SCIN: variants seen among roughly 807,000 people sequenced by gnomAD.
SCIN encodes the protein adseverin.
SCIN carries 91 observed loss-of-function variants against 91.8 expected under a neutral mutation model. The ratio of observed to expected loss-of-function variants is 0.99; its 90% CI spans 0.84 to 1.18. The LOEUF (loss-of-function observed/expected upper bound fraction) is 1.18. Ranked by LOEUF, SCIN falls within the 50% of genes most tolerant of loss-of-function variation. SCIN has a pLI of 0.00. For missense variants in SCIN, 1,087 were observed against 863.9 expected (o/e 1.26, Z -3.24); for synonymous variants, 367 against 312.6 (o/e 1.17, Z -1.84).
chr7:12,578,064 GA>G lies in SCIN; in HGVS notation c.203del (p.Lys68ArgfsTer48), dbSNP rs1330002902. ...GAGGTGCTGTTGTTCACTGTTTTAG[GA>G]AAGGAGTGTTCCCAGGATGAAAGCA... is the stretch of plus-strand genomic sequence containing the variant. ...GFTYHLHFWL[G>X]KECSQDESTA... is the part of the protein sequence containing the mutation. On this transcript the variant is annotated frameshift_variant and splice_region_variant, in exon 2 of 16. Coordinates refer to ENST00000297029, the MANE Select transcript of SCIN (RefSeq NM_001112706.3). LOFTEE classifies it high-confidence loss of function. 3.9e-6 allele frequency: 6 copies of G among 1,538,806 alleles called. No homozygotes were observed. Among genetic ancestry groups the G allele is most frequent in the Non-Finnish European group, 5.3e-6 (6 of 1,141,760 alleles).
At chr7:12,633,701 C>G (rs1783690334) in intron 9 of SCIN, among the ~76,000 whole-genome samples, 1 of 152,118 alleles carries the variant, frequency 6.6e-6, no homozygotes, top group Non-Finnish European at 1.5e-5. Context: ...AAATGGAAAG[C>G]AGACATTTTT....
chr7:12,644,293 G>T lies in SCIN; in HGVS notation c.1737G>T (p.Arg579Ser), dbSNP rs747829246. ...VASVLKCKTL[R>S]IQEGEEPEEF... ...GTGTCCTAAAGTGCAAAACCTTAAGGATCCAAGAAGGCGAGGAGCCAGGTG... is the reference window on the plus strand; with the variant it reads ...GTGTCCTAAAGTGCAAAACCTTAAGTATCCAAGAAGGCGAGGAGCCAGGTG... The change falls in exon 12 of 16, where the codon AGG becomes AGT. Residue 579 changes from arginine (R) to serine (S), a missense_variant. Coordinates refer to ENST00000297029, the MANE Select transcript of SCIN (RefSeq NM_001112706.3). 4.1e-5 allele frequency: 66 copies of T among 1,591,214 alleles called. No homozygotes were observed. In the Admixed American group the frequency reaches 7.1e-4, roughly 17 times the overall value.
chr7:12,601,486 A>G (rs74602463), intron 3 of SCIN, among the ~76,000 whole-genome samples: 5,523 of 152,262 alleles, frequency 0.036, 347 homozygotes, highest in African/African-American at 0.13. Context: ...ACAACTCTAC[A>G]TGGTTGACTA....
chr7:12,621,793 C>G (rs1458443905), intron 4 of SCIN, among the ~76,000 whole-genome samples: 2 of 151,730 alleles, frequency 1.3e-5, no homozygotes, highest in East Asian at 3.9e-4. Context: ...TTCTCTGATG[C>G]ATCTCTAAAT....
intron 9 of SCIN, among the ~76,000 whole-genome samples, chr7:12,633,123 T>C (rs112971098): frequency 7.9e-5 from 12 of 152,246 alleles, no homozygotes; most frequent in African/African-American, 2.9e-4. Context: ...ATAATTTCAA[T>C]ACAGGGACAT....
chr7:12,621,442 C>T (rs902117166), intron 4 of SCIN, among the ~76,000 whole-genome samples: 4 of 151,856 alleles, frequency 2.6e-5, no homozygotes, highest in Non-Finnish European at 5.9e-5. Context: ...CCTCAAATCC[C>T]AGACTGGGTC....
chr7:12,621,596 A>G (rs1339182846), intron 4 of SCIN, among the ~76,000 whole-genome samples: 1 of 151,598 alleles, frequency 6.6e-6, no homozygotes, highest in Non-Finnish European at 1.5e-5. Context: ...TACTTCTAGC[A>G]AAAGTGTTTT....
chr7:12,618,758 A>G (rs981427834), intron 4 of SCIN, among the ~76,000 whole-genome samples: 6 of 152,084 alleles, frequency 3.9e-5, no homozygotes, highest in Non-Finnish European at 7.4e-5. Flanking sequence ...CCTATGTTAC[A>G]CTCTACTGAT....
chr7:12,656,589 A>T lies in SCIN; in HGVS notation c.*3874A>T, dbSNP rs1784165465. 1 of 152,180 alleles carries T rather than the reference A, an allele frequency of 6.6e-6. No homozygotes were observed. Among genetic ancestry groups the T allele is most frequent in the Non-Finnish European group, 1.5e-5 (1 of 68,028 alleles). The allele number at this position is 152,180 out of a possible 1,614,324, so 9.4% of individuals were successfully genotyped here. On this transcript the variant is annotated 3_prime_UTR_variant, in exon 16 of 16. Transcript: ENST00000297029. ...GACAACTCAGAGAAAAAACTGGCTT[A>T]TAAATGCACTTCACAAAAACTGTTA...
chr7:12,601,802 A>G (rs941428644), intron 3 of SCIN, among the ~76,000 whole-genome samples: 8 of 152,180 alleles, frequency 5.3e-5, no homozygotes, highest in Admixed American at 1.3e-4. Context: ...ACTTAAATGT[A>G]ATTATATTAT....
chr7:12,652,406 G>A (rs763608491), intron 15 of SCIN, among the ~76,000 whole-genome samples, 182 bp from the exon 16 acceptor site: 4 of 152,134 alleles, frequency 2.6e-5, no homozygotes, highest in Non-Finnish European at 4.4e-5. Flanking sequence ...CCTGGTCAAT[G>A]GAAATTTATT....
chr7:12,603,807 A>G (rs540608981), intron 3 of SCIN, among the ~76,000 whole-genome samples: 2 of 152,258 alleles, frequency 1.3e-5, no homozygotes, highest in South Asian at 2.1e-4. Context: ...TTTTCCCTAT[A>G]TATCATAATT....
intron 9 of SCIN, among the ~76,000 whole-genome samples, chr7:12,634,207 C>A (rs561923592): frequency 1.3e-5 from 2 of 152,102 alleles, no homozygotes; most frequent in Admixed American, 6.5e-5. Context: ...GTAGGTAGGC[C>A]GGGCATGGTG....
chr7:12,625,958 A>G (rs1783513244), intron 7 of SCIN, 108 bp downstream of exon 7: 1 of 672,922 alleles, frequency 1.5e-6, no homozygotes, highest in Non-Finnish European at 2.5e-6. Flanking sequence ...CTGTATGTGA[A>G]GTGATTCTCC....
chr7:12,577,262 AT>A (rs1323408570), intron 1 of SCIN, among the ~76,000 whole-genome samples: 1 of 152,204 alleles, frequency 6.6e-6, no homozygotes, highest in African/African-American at 2.4e-5. Context: ...AGACCAAAAA[AT>A]AGGGGTAAAA....
At chr7:12,645,018 T>TAAAA (rs35352647) in intron 13 of SCIN, among the ~76,000 whole-genome samples, 2 of 93,774 alleles carry the variant, frequency 2.1e-5, no homozygotes, top group Non-Finnish European at 3.9e-5. Flanking sequence ...AAAACTCCGT[T>TAAAA]AAAAAAAAAA....
Position 12,658,806 on chromosome 7 carries a change from G to C in SCIN, c.*6091G>C, listed in dbSNP as rs1437854540. ...CATTAGAGTTTATCAGTAAAGTTGG[G>C]CAACTCATGGAATATTACGAGTAGA... is the stretch of plus-strand genomic sequence containing the variant. On this transcript the variant is annotated 3_prime_UTR_variant, in exon 16 of 16. Coordinates refer to ENST00000297029, the MANE Select transcript of SCIN (RefSeq NM_001112706.3). 1 of 152,152 alleles carries C rather than the reference G, an allele frequency of 6.6e-6. No individual in the cohort carries two copies. Among genetic ancestry groups the C allele is most frequent in the Non-Finnish European group, 1.5e-5 (1 of 68,036 alleles). The allele number at this position is 152,152 out of a possible 1,614,324, so 9.4% of individuals were successfully genotyped here.
At chr7:12,596,695 T>C (rs1345603501) in intron 3 of SCIN, among the ~76,000 whole-genome samples, 2 of 152,174 alleles carry the variant, frequency 1.3e-5, no homozygotes, top group African/African-American at 4.8e-5. Context: ...GCTTTTTTTT[T>C]TTTGGTTTGG....
At chr7:12,644,490 C>G in intron 12 of SCIN, 94 bp from the exon 13 acceptor site, 2 of 1,520,588 alleles carry the variant, frequency 1.3e-6, no homozygotes, top group South Asian at 1.3e-5. Context: ...TTTCTCAACA[C>G]TGAAATCAAG....
Sources: allele counts gnomAD v4.1 joint callset (sites outside exome capture counted in the v4.1 genomes callset), GRCh38; gene constraint gnomAD v4.1.1; transcripts MANE v1.5; gene names NCBI Gene and HGNC (gene_info 2026-07-23, HGNC 2026-07-21).